MICAL3: variants seen among roughly 807,000 people sequenced by gnomAD.
MICAL3 encodes microtubule associated monooxygenase, calponin and LIM domain containing 3, also known as [F-actin]-monooxygenase MICAL3.
A neutral mutation model predicts 207.4 loss-of-function variants in MICAL3; 62 were observed. That is an observed-to-expected ratio of 0.30 (90% CI 0.24 to 0.37). The LOEUF is 0.37. Ranked by LOEUF, MICAL3 falls within the 10% of genes least tolerant of loss-of-function variation. MICAL3 has a pLI of 1.00. For synonymous variants in MICAL3, 1,077 were observed against 1,069.3 expected, an observed-to-expected ratio of 1.01 and a Z score of -0.14; for missense variants, 2,368 against 2,635.6, an observed-to-expected ratio of 0.90 and a Z score of 2.22.
At chr22:17,976,561 G>GTATA (rs751076102) in intron 1 of MICAL3, among the ~76,000 whole-genome samples, 900 of 79,836 alleles carry the variant, frequency 0.011, 25 homozygotes, top group African/African-American at 0.014. Flanking sequence ...GTGTGTGTGT[G>GTATA]TATATATATA....
In MICAL3 at chr22:17,893,710, C is replaced by T. The variant is rs1602163542; in HGVS notation, c.1546+98G>A. On this transcript the variant is annotated intron_variant, in intron 11 of 31. Coordinates refer to ENST00000441493, the MANE Select transcript of MICAL3 (RefSeq NM_015241.3). The stretch of plus-strand genomic sequence containing the variant: ...AGAGCCACTGTCTCAGACAGTACTT[C>T]GGCCACTGCCTCGGACCGCACCTTG... 13 of 863,186 alleles carry T rather than the reference C, an allele frequency of 1.5e-5. No homozygotes were observed. In the East Asian group the frequency reaches 2.4e-4, roughly 16 times the overall value. 53.5% of individuals were successfully genotyped at this position (863,186 alleles called of 1,614,324 possible). A position where few individuals can be genotyped will look rare whatever the true frequency, so the allele number is the denominator to read the frequency against.
intron 1 of MICAL3, among the ~76,000 whole-genome samples, chr22:17,976,442 C>T (rs1330154138): frequency 2.6e-5 from 4 of 151,768 alleles, no homozygotes; most frequent in African/African-American, 9.7e-5. Context: ...TGGAACCAAT[C>T]ACTGTGTTCA....
intron 1 of MICAL3, among the ~76,000 whole-genome samples, chr22:17,976,563 A>G (rs5992142): frequency 0.26 from 22,138 of 83,776 alleles, 2,622 homozygotes; most frequent in African/African-American, 0.35. Context: ...GTGTGTGTGT[A>G]TATATATATA....
At chr22:17,929,134 T>C (rs1933091021) in intron 1 of MICAL3, among the ~76,000 whole-genome samples, 1 of 150,520 alleles carries the variant, frequency 6.6e-6, no homozygotes, top group Non-Finnish European at 1.5e-5. Flanking sequence ...AGTCTCCCTC[T>C]GTCTGCCAGG....
At chr22:18,023,087 G>A (rs1472257743) in intron 1 of MICAL3, among the ~76,000 whole-genome samples, 1 of 152,048 alleles carries the variant, frequency 6.6e-6, no homozygotes, top group Non-Finnish European at 1.5e-5. Flanking sequence ...ACGGCAGCCT[G>A]AGAGACTGAA....
rs756034870 is a variant in MICAL3 at position 17,899,518 on chromosome 22, T to C, written c.878A>G (p.Lys293Arg). The C allele has an allele frequency of 6.2e-7, 1 of 1,607,338 alleles. No individual in the cohort carries two copies. Among genetic ancestry groups the C allele is most frequent in the South Asian group, 1.1e-5 (1 of 89,646 alleles). The change falls in exon 7 of 32, where the codon AAA (lysine) becomes AGA (arginine). Residue 293 changes from lysine (K) to arginine (R), a missense_variant. Physicochemically the swap from Lys to Arg is conservative, Grantham distance 26. Around this residue, in one of 4 missense-constraint regions of MICAL3, gnomAD observed 400 missense variants for 547.0 expected, o/e 0.73. Coordinates refer to ENST00000441493, the MANE Select transcript of MICAL3 (RefSeq NM_015241.3). ...CATAACGAAATAGTGTGTGTCATCT[T>C]TGTAGTAAACGATGTTCTCCAAGTC... ...GIDLENIVYY[K>R]DDTHYFVMTA...
intron 19 of MICAL3, chr22:17,863,531 T>G: frequency 1.0e-6 from 1 of 985,472 alleles, no homozygotes; most frequent in South Asian, 4.7e-5. Context: ...TTCAAGATTG[T>G]AGAAGGTTTA....
chr22:17,852,912 T>G (rs1260062909), intron 19 of MICAL3, among the ~76,000 whole-genome samples: 1 of 152,002 alleles, frequency 6.6e-6, no homozygotes, highest in African/African-American at 2.4e-5. Flanking sequence ...CAGTTTCTAC[T>G]AAAAATATAA....
intron 10 of MICAL3, among the ~76,000 whole-genome samples, chr22:17,894,133 C>T (rs1602164689): frequency 6.6e-6 from 1 of 152,102 alleles, no homozygotes; most frequent in Non-Finnish European, 1.5e-5. Context: ...TACACAGGGC[C>T]GGGTGCGGTG....
chr22:17,850,407 T>G (rs1375283920), intron 19 of MICAL3, among the ~76,000 whole-genome samples: 1 of 119,664 alleles, frequency 8.4e-6, no homozygotes, highest in Non-Finnish European at 1.7e-5. Flanking sequence ...TTAGTTTTTT[T>G]TTTTTTTTTT....
chr22:17,853,074 CA>C (rs35015407), intron 19 of MICAL3, among the ~76,000 whole-genome samples: 1,906 of 112,896 alleles, frequency 0.017, 25 homozygotes, highest in African/African-American at 0.048. Context: ...GACTCCATCT[CA>C]AAAAAAAAAA....
At chr22:17,949,643 G>A (rs964208359) in intron 1 of MICAL3, among the ~76,000 whole-genome samples, 1 of 152,156 alleles carries the variant, frequency 6.6e-6, no homozygotes, top group African/African-American at 2.4e-5. Context: ...GATCCGACAA[G>A]TTTTCAAATA....
At chr22:17,863,283 T>C in intron 19 of MICAL3, 3 of 985,416 alleles carry the variant, frequency 3.0e-6, no homozygotes, top group Non-Finnish European at 3.6e-6. Flanking sequence ...GTTTAGTTTC[T>C]TTTGAGTTGT....
chr22:17,968,611 T>C (rs1935259113), intron 1 of MICAL3, among the ~76,000 whole-genome samples: 1 of 152,064 alleles, frequency 6.6e-6, no homozygotes, highest in South Asian at 2.1e-4. Flanking sequence ...TGGGAGAGTG[T>C]CCAACTGAGA....
At chr22:17,989,129 T>C (rs549224204) in intron 1 of MICAL3, among the ~76,000 whole-genome samples, 1 of 152,226 alleles carries the variant, frequency 6.6e-6, no homozygotes, top group African/African-American at 2.4e-5. Flanking sequence ...CCGATGCCCA[T>C]AAAGCCCACA....
intron 1 of MICAL3, among the ~76,000 whole-genome samples, chr22:17,968,873 G>C (rs913784305): frequency 6.6e-6 from 1 of 152,126 alleles, no homozygotes; most frequent in South Asian, 2.1e-4. Flanking sequence ...ATTTTAAATA[G>C]ATTTGTATTT....
chr22:17,876,104 A>G (rs1458647976), intron 16 of MICAL3, among the ~76,000 whole-genome samples: 1 of 152,156 alleles, frequency 6.6e-6, no homozygotes, highest in East Asian at 1.9e-4. Context: ...TCTGCTTGCC[A>G]AAGAGCCAGC....
chr22:17,959,835 G>C (rs957427839), intron 1 of MICAL3, among the ~76,000 whole-genome samples: 4 of 147,156 alleles, frequency 2.7e-5, no homozygotes, highest in African/African-American at 1.0e-4. Context: ...GAAAAACATG[G>C]AAAGGGTACA....
At chr22:17,935,600 G>GCTT (rs1269715762) in intron 1 of MICAL3, among the ~76,000 whole-genome samples, 2 of 152,182 alleles carry the variant, frequency 1.3e-5, no homozygotes, top group African/African-American at 4.8e-5. Flanking sequence ...AAACTAAAGA[G>GCTT]CTTCTGCACA....
Sources: allele counts gnomAD v4.1 joint callset (sites outside exome capture counted in the v4.1 genomes callset), GRCh38; gene constraint gnomAD v4.1.1; regional missense constraint gnomAD v4.1.1; transcripts MANE v1.5; gene names NCBI Gene and HGNC (gene_info 2026-07-23, HGNC 2026-07-21).